Variants in GABRA3 observed in about 807,000 individuals in gnomAD.
GABRA3 encodes the protein gamma-aminobutyric acid type A receptor subunit alpha3, also known as gamma-aminobutyric acid receptor subunit alpha-3.
In GABRA3, 10 loss-of-function variants were observed where a neutral mutation model predicts 30.1. The observed-to-expected ratio is 0.33, with a 90% confidence interval of 0.20 to 0.56. GABRA3 has a LOEUF of 0.56. GABRA3 is among the 20% of genes least tolerant of loss of function. The probability of loss-of-function intolerance (pLI) is 0.89; values close to 1 mark genes in which losing one functional copy is unlikely to be tolerated. For missense variants in GABRA3, 233 were observed against 392.0 expected, an observed-to-expected ratio of 0.59 and a Z score of 3.42; for synonymous variants, 151 against 146.8, an observed-to-expected ratio of 1.03 and a Z score of -0.21.
intron 1 of GABRA3, among the ~76,000 whole-genome samples, chrX:152,424,698 A>C (rs1373442019): frequency 9.0e-6 from 1 of 110,856 alleles, no homozygotes; most frequent in Non-Finnish European, 1.9e-5. Context: ...CCCTGGTATA[A>C]GCTGTTTTTA....
chrX:152,188,329 T>C (rs2124345685), intron 9 of GABRA3, among the ~76,000 whole-genome samples: 1 of 111,730 alleles, frequency 9.0e-6, no homozygotes, highest in Admixed American at 9.6e-5. Context: ...TGTAGAACTA[T>C]GACTAAACAA....
chrX:152,279,213 A>C lies in GABRA3; in HGVS notation c.330+5455T>G, dbSNP rs180806798. On this transcript the variant is annotated intron_variant, in intron 4 of 9. Coordinates refer to ENST00000370314, the MANE Select transcript of GABRA3 (RefSeq NM_000808.4). ...GCCTATGTCCTGAATGGTATTGCCTAGGTTTTCTTCTAGGGTTTTTATGGT... is the reference window on the plus strand; with the variant it reads ...GCCTATGTCCTGAATGGTATTGCCTCGGTTTTCTTCTAGGGTTTTTATGGT... Among the ~76,000 whole-genome samples the C allele has an allele frequency of 2.5e-3, 282 of 111,602 alleles. 1 individual carries two copies. Among genetic ancestry groups the C allele is most frequent in the African/African-American group, 8.8e-3 (270 of 30,707 alleles).
chrX:152,369,795 G>C (rs1221820142), intron 1 of GABRA3, among the ~76,000 whole-genome samples: 1 of 109,542 alleles, frequency 9.1e-6, no homozygotes, highest in African/African-American at 3.4e-5. Context: ...TGAGGATTTT[G>C]GTTTTTTTTA....
intron 4 of GABRA3, among the ~76,000 whole-genome samples, chrX:152,278,855 T>G (rs189343378): frequency 0.05 from 5,590 of 112,111 alleles, 276 homozygotes; most frequent in African/African-American, 0.15. Context: ...TTTCTCTGAT[T>G]GCCACTGATG....
chrX:152,220,192 G>A (rs1465454117), intron 6 of GABRA3, among the ~76,000 whole-genome samples: 1 of 111,607 alleles, frequency 9.0e-6, no homozygotes, highest in African/African-American at 3.3e-5. Context: ...TCTTGTTCCT[G>A]AATCCCATTG....
At chrX:152,330,164 T>A (rs1329690682) in intron 3 of GABRA3, among the ~76,000 whole-genome samples, 6 of 111,631 alleles carry the variant, frequency 5.4e-5, no homozygotes, top group African/African-American at 9.8e-5. Flanking sequence ...ATCTCACACC[T>A]GTTAGAATGG....
At chrX:152,239,969 T>A (rs75011169) in intron 5 of GABRA3, among the ~76,000 whole-genome samples, 44,637 of 96,893 alleles carry the variant, frequency 0.46, 10,044 homozygotes, top group Non-Finnish European at 0.64. Flanking sequence ...CTGTGTCTTT[T>A]AATTGGAGAA....
intron 3 of GABRA3, among the ~76,000 whole-genome samples, chrX:152,287,177 C>A (rs1430772666): frequency 8.9e-6 from 1 of 112,158 alleles, no homozygotes; most frequent in Admixed American, 9.5e-5. Flanking sequence ...TACAGAATAA[C>A]TTTCTAAATC....
intron 1 of GABRA3, among the ~76,000 whole-genome samples, chrX:152,388,616 A>T (rs1929391688): frequency 8.9e-6 from 1 of 112,533 alleles, no homozygotes; most frequent in South Asian, 3.6e-4. Flanking sequence ...ATAGTGAAGT[A>T]ATGATGTTTT....
chrX:152,413,513 G>C (rs1301236154), intron 1 of GABRA3, among the ~76,000 whole-genome samples: 1 of 111,300 alleles, frequency 9.0e-6, no homozygotes, highest in East Asian at 2.8e-4. Flanking sequence ...TTGAACATTT[G>C]ACAATCAATT....
At chrX:152,236,631 T>C (rs1404341609) in intron 5 of GABRA3, among the ~76,000 whole-genome samples, 19 of 107,800 alleles carry the variant, frequency 1.8e-4, no homozygotes, top group African/African-American at 6.4e-4. Flanking sequence ...AGTGTTCCTA[T>C]TTCTCCACAT....
At chrX:152,294,218 T>C (rs1187004140) in intron 3 of GABRA3, among the ~76,000 whole-genome samples, 1 of 111,434 alleles carries the variant, frequency 9.0e-6, no homozygotes. Context: ...TCCTGAAGAG[T>C]GTTTTCCAAC....
intron 5 of GABRA3, chrX:152,251,201 A>T (rs751921442): frequency 4.6e-5 from 13 of 285,662 alleles, no homozygotes; most frequent in African/African-American, 3.7e-4. Context: ...GCACAAGGGC[A>T]TTCTACATAG....
chrX:152,257,083 T>TA (rs1488453576), intron 4 of GABRA3, among the ~76,000 whole-genome samples: 3 of 110,779 alleles, frequency 2.7e-5, no homozygotes, highest in Non-Finnish European at 3.8e-5. Flanking sequence ...GGGGCCCAGT[T>TA]AAAAAAAATA....
chrX:152,261,949 C>G (rs1156744139), intron 4 of GABRA3, among the ~76,000 whole-genome samples: 2 of 112,782 alleles, frequency 1.8e-5, no homozygotes, highest in Admixed American at 1.9e-4. Flanking sequence ...CCAGGAGTTT[C>G]CATACATCCT....
intron 2 of GABRA3, among the ~76,000 whole-genome samples, chrX:152,361,676 C>T (rs1312799548): frequency 9.5e-6 from 1 of 105,122 alleles, no homozygotes; most frequent in Non-Finnish European, 1.9e-5. Context: ...GAGATAGAGT[C>T]TCACTGTGTG....
intron 1 of GABRA3, among the ~76,000 whole-genome samples, chrX:152,442,399 A>G (rs1930956176): frequency 9.0e-6 from 1 of 111,681 alleles, no homozygotes; most frequent in South Asian, 3.7e-4. Flanking sequence ...GGGAAAAAAA[A>G]CAAGAAAATA....
At chrX:152,176,530 G>A (rs1389954185) in intron 9 of GABRA3, among the ~76,000 whole-genome samples, 1 of 111,037 alleles carries the variant, frequency 9.0e-6, no homozygotes, top group Non-Finnish European at 1.9e-5. Context: ...AGAGTTGGGG[G>A]CAGGTAAGAA....
chrX:152,388,800 T>G (rs1929398738), intron 1 of GABRA3, among the ~76,000 whole-genome samples: 1 of 112,081 alleles, frequency 8.9e-6, no homozygotes, highest in South Asian at 3.7e-4. Flanking sequence ...TAATACATGC[T>G]CAAGCACACA....
Sources: allele counts gnomAD v4.1 joint callset (sites outside exome capture counted in the v4.1 genomes callset), GRCh38; gene constraint gnomAD v4.1.1; transcripts MANE v1.5; gene names NCBI Gene and HGNC (gene_info 2026-07-23, HGNC 2026-07-21).